The following VPS41 variants were observed in gnomAD, a reference collection of about 807,000 sequenced individuals.
VPS41 encodes VPS41 subunit of HOPS complex.
Under a neutral mutation model 130.9 loss-of-function variants are expected in VPS41, and 85 were observed. That is an observed-to-expected ratio of 0.65 (90% CI 0.55 to 0.78). The LOEUF is 0.78. Among genes scored for constraint, VPS41 ranks in the 30% least tolerant of loss-of-function variants. The pLI is 0.00. For missense variants in VPS41, 874 were observed against 1,018.7 expected (o/e 0.86, Z 1.93); for synonymous variants, 335 against 332.9 (o/e 1.01, Z -0.07).
intron 25 of VPS41, among the ~76,000 whole-genome samples, chr7:38,740,861 TCA>T (rs1300961834): frequency 6.6e-6 from 1 of 152,200 alleles, no homozygotes; most frequent in African/African-American, 2.4e-5. Flanking sequence ...GGCTGTGGCC[TCA>T]GTTTCTCTAC....
rs369447900 is a variant in VPS41 at position 38,832,443 on chromosome 7, C to G, written c.247-2115G>C. 1.4e-4 allele frequency among the ~76,000 whole-genome samples: 21 copies of G among 151,644 alleles called. No individual in the cohort carries two copies. In the East Asian group the frequency reaches 4.1e-3, roughly 29 times the overall value. On this transcript the variant is annotated intron_variant, in intron 4 of 28. Coordinates refer to ENST00000310301, the MANE Select transcript of VPS41 (RefSeq NM_014396.4). ...AAGTGATTTTCCTGCCTCAGCCTCC[C>G]GAGTAGCTGGGATTACAGGCACGTG... is the stretch of plus-strand genomic sequence containing the variant.
intron 7 of VPS41, among the ~76,000 whole-genome samples, chr7:38,815,939 T>TAC (rs1785039303): frequency 6.6e-6 from 1 of 151,450 alleles, no homozygotes; most frequent in Non-Finnish European, 1.5e-5. Context: ...TATATATATA[T>TAC]ATACACATAT....
At chr7:38,767,014 G>GT (rs1407321516) in intron 15 of VPS41, among the ~76,000 whole-genome samples, 1 of 152,086 alleles carries the variant, frequency 6.6e-6, no homozygotes, top group Admixed American at 6.6e-5. Flanking sequence ...GTCCTCTTCC[G>GT]TATCACAACC....
chr7:38,763,956 T>C lies in VPS41; in HGVS notation c.1330-409A>G, dbSNP rs569195734. On this transcript the variant is annotated intron_variant, in intron 16 of 28. Transcript: ENST00000310301. ...ACCTTCACCAACTCATAATCATCTT[T>C]TGAAATTAGGAAAAATACATCTTGT... 1.1e-3 allele frequency among the ~76,000 whole-genome samples: 173 copies of C among 152,310 alleles called. 2 individuals carry two copies. Among genetic ancestry groups the C allele is most frequent in the African/African-American group, 3.9e-3 (164 of 41,560 alleles).
chr7:38,824,538 C>T (rs975573985), intron 5 of VPS41, among the ~76,000 whole-genome samples: 1 of 152,034 alleles, frequency 6.6e-6, no homozygotes, highest in African/African-American at 2.4e-5. Context: ...AACCAGAACC[C>T]GGATTTTCTA....
intron 22 of VPS41, among the ~76,000 whole-genome samples, chr7:38,750,116 C>T (rs1368629731): frequency 2.6e-5 from 4 of 152,210 alleles, no homozygotes; most frequent in Non-Finnish European, 4.4e-5. Context: ...TTTTCCCACC[C>T]TCAGCTTCCC....
intron 7 of VPS41, among the ~76,000 whole-genome samples, chr7:38,800,726 C>T (rs1384918000): frequency 6.6e-6 from 1 of 152,150 alleles, no homozygotes; most frequent in Non-Finnish European, 1.5e-5. Context: ...ATCCCAGCTA[C>T]TCCAGGGGGT....
intron 10 of VPS41, among the ~76,000 whole-genome samples, chr7:38,783,368 C>T (rs748620076): frequency 3.3e-5 from 5 of 151,822 alleles, no homozygotes; most frequent in Non-Finnish European, 7.4e-5. Flanking sequence ...AACCCCATCT[C>T]TACTAAAAAT....
chr7:38,776,752 T>G lies in VPS41; in HGVS notation c.809A>C (p.Tyr270Ser). ...EIVSQFETEFYISGLAPLCDQ... is the reference protein window; with the variant it reads ...EIVSQFETEFSISGLAPLCDQ... ...ACAGAGAGGTGCAAGTCCACTGATGTAGAATTCAGTTTCAAACTGAGACAC... is the reference window on the plus strand; with the variant it reads ...ACAGAGAGGTGCAAGTCCACTGATGGAGAATTCAGTTTCAAACTGAGACAC... The change falls in exon 11 of 29, where the codon TAC becomes TCC. Residue 270 changes from tyrosine to serine, a missense_variant. Coordinates refer to ENST00000310301, the MANE Select transcript of VPS41 (RefSeq NM_014396.4). 6 of 1,610,816 alleles carry G rather than the reference T, an allele frequency of 3.7e-6. No individual in the cohort carries two copies. The South Asian group carries it at 6.6e-5, about 18-fold the overall frequency.
intron 22 of VPS41, among the ~76,000 whole-genome samples, chr7:38,746,718 TC>T (rs1452707286): frequency 1.3e-5 from 2 of 151,872 alleles, no homozygotes; most frequent in African/African-American, 4.9e-5. Flanking sequence ...ATCGCTCCAC[TC>T]AGACTTAAAG....
intron 26 of VPS41, 38 bp downstream of exon 26, chr7:38,728,654 G>A (rs760788998): frequency 2.5e-6 from 4 of 1,613,662 alleles, no homozygotes; most frequent in Non-Finnish European, 3.4e-6. Context: ...CTGAAAGCAG[G>A]GCACGTGGTT....
At chr7:38,850,216 G>A (rs949004096) in intron 4 of VPS41, among the ~76,000 whole-genome samples, 2 of 152,148 alleles carry the variant, frequency 1.3e-5, no homozygotes, top group Admixed American at 6.5e-5. Flanking sequence ...TAAATGCTTT[G>A]CCAAGTTGAT....
At chr7:38,774,349 G>T in intron 11 of VPS41, 105 bp from the exon 12 acceptor site, 1 of 1,069,024 alleles carries the variant, frequency 9.4e-7, no homozygotes, top group Non-Finnish European at 1.3e-6. Flanking sequence ...ACACTCCTAT[G>T]AAGAAATACC....
chr7:38,774,950 G>A (rs1784229511), intron 11 of VPS41, among the ~76,000 whole-genome samples: 1 of 152,098 alleles, frequency 6.6e-6, no homozygotes, highest in South Asian at 2.1e-4. Flanking sequence ...ACACAATGAT[G>A]GTGGCAAGTA....
chr7:38,791,202 G>A (rs1584397788), intron 9 of VPS41, among the ~76,000 whole-genome samples: 2 of 152,186 alleles, frequency 1.3e-5, no homozygotes, highest in Admixed American at 1.3e-4. Context: ...CTTCCCTTCT[G>A]GTAGACTTTT....
intron 25 of VPS41, among the ~76,000 whole-genome samples, chr7:38,730,231 A>AT (rs1294122252): frequency 6.6e-6 from 1 of 152,182 alleles, no homozygotes; most frequent in Admixed American, 6.5e-5. Flanking sequence ...GACAAGCTAG[A>AT]TGGGCATTTT....
intron 7 of VPS41, among the ~76,000 whole-genome samples, chr7:38,815,349 G>A (rs374676020): frequency 1.2e-4 from 19 of 152,170 alleles, no homozygotes; most frequent in Admixed American, 2.6e-4. Context: ...CCTTCAACTC[G>A]GGAGGTGGAG....
intron 4 of VPS41, among the ~76,000 whole-genome samples, chr7:38,842,527 G>T (rs562289331): frequency 2.6e-5 from 4 of 152,032 alleles, no homozygotes; most frequent in African/African-American, 9.7e-5. Context: ...ATCCTCATTC[G>T]AATAGTAAAA....
intron 4 of VPS41, among the ~76,000 whole-genome samples, chr7:38,854,223 G>A (rs1785930763): frequency 6.6e-6 from 1 of 152,184 alleles, no homozygotes; most frequent in African/African-American, 2.4e-5. Context: ...TACAGGCACT[G>A]GCACACTTGA....
Sources: gnomAD v4.1 joint callset for allele counts (sites outside exome capture counted in the v4.1 genomes callset) on GRCh38, gnomAD v4.1.1 for gene constraint, MANE v1.5 for transcripts, NCBI Gene and HGNC (gene_info 2026-07-23, HGNC 2026-07-21) for gene names.